The following CSMD2 variants were observed in gnomAD, a reference collection of about 807,000 sequenced individuals.
The protein encoded by CSMD2 is CUB and Sushi multiple domains 2.
Under a neutral mutation model 398.5 loss-of-function variants are expected in CSMD2, and 130 were observed. That is an observed-to-expected ratio of 0.33 (90% CI 0.28 to 0.38). The LOEUF (loss-of-function observed/expected upper bound fraction) is 0.38. CSMD2 is among the 10% of genes least tolerant of loss of function. CSMD2 has a pLI of 1.00. For missense variants in CSMD2, 3,829 were observed against 4,764.9 expected, an observed-to-expected ratio of 0.80 and a Z score of 5.78; for synonymous variants, 1,828 against 1,908.5, an observed-to-expected ratio of 0.96 and a Z score of 1.10.
chr1:33,854,002 A>G (rs554153981), intron 5 of CSMD2, among the ~76,000 whole-genome samples: 1 of 152,292 alleles, frequency 6.6e-6, no homozygotes, highest in South Asian at 2.1e-4. Context: ...AAAACGGTCA[A>G]TTATGATCTA....
At position 33,518,414 on chromosome 1, in the gene CSMD2, C is replaced by T. The variant is rs980396367; in HGVS notation, c.*53+1051G>A. On this transcript the variant is annotated intron_variant, in intron 70 of 70. Coordinates refer to ENST00000373381, the MANE Select transcript of CSMD2 (RefSeq NM_001281956.2). The surrounding 1 kb of genome is among the most constrained non-coding windows in gnomAD (Gnocchi z 4.3). ...ATGTGTGTGTGTGTGTGTGCATGAC[C>T]GTGTACACGTGTGGGTGTGTCTGCC... 2.0e-5 allele frequency among the ~76,000 whole-genome samples: 3 copies of T among 151,746 alleles called. No homozygotes were observed. The highest frequency in any genetic ancestry group is 2.9e-5 in the Non-Finnish European group (2 of 67,968).
chr1:34,090,817 A>G (rs1658476822), intron 1 of CSMD2, among the ~76,000 whole-genome samples: 1 of 152,150 alleles, frequency 6.6e-6, no homozygotes, highest in African/African-American at 2.4e-5. Flanking sequence ...CAAACATTCA[A>G]TGGCTCCTCC....
intron 10 of CSMD2, among the ~76,000 whole-genome samples, chr1:33,795,361 G>T (rs1654830521): frequency 6.6e-6 from 1 of 152,126 alleles, no homozygotes; most frequent in South Asian, 2.1e-4. Flanking sequence ...TCCTCAGGCT[G>T]GGATCTCCCA....
In CSMD2 at chr1:34,150,990, C is replaced by T. The variant is rs145564441; in HGVS notation, c.187+13921G>A. ...GACTATGATGCTGATAAAGGGGGGG[C>T]GGGGGATGCAAACTTGACATCTCCC... is the stretch of plus-strand genomic sequence containing the variant. On this transcript the variant is annotated intron_variant, in intron 1 of 70. Coordinates refer to ENST00000373381, the MANE Select transcript of CSMD2 (RefSeq NM_001281956.2). 9.7e-3 allele frequency among the ~76,000 whole-genome samples: 1,472 copies of T among 152,122 alleles called. 18 individuals are homozygous for T. Among genetic ancestry groups the T allele is most frequent in the African/African-American group, 0.033 (1,387 of 41,496 alleles).
chr1:34,160,335 T>C (rs1443467198), intron 1 of CSMD2, among the ~76,000 whole-genome samples: 1 of 152,224 alleles, frequency 6.6e-6, no homozygotes, highest in Admixed American at 6.5e-5. Context: ...TTCAAATTCA[T>C]ACACACACTG....
Position 33,516,404 on chromosome 1 carries a change from T to G in CSMD2, c.*220A>C, listed in dbSNP as rs377410878. ...TCCTCTGTCTGCAGCCCCTCTTCCT[T>G]TTCTGCCTTTTCAGGACACGGCAGG... On this transcript the variant is annotated 3_prime_UTR_variant, in exon 71 of 71. Transcript: ENST00000373381. 1 of 152,370 alleles carries G rather than the reference T, an allele frequency of 6.6e-6. No individual in the cohort carries two copies. The highest frequency in any genetic ancestry group is 2.4e-5 in the African/African-American group (1 of 41,574). 9.4% of individuals were successfully genotyped at this position (152,370 alleles called of 1,614,324 possible).
In CSMD2 at chr1:33,897,182, A is replaced by C. The variant is rs544827154; in HGVS notation, c.920+20912T>G. On this transcript the variant is annotated intron_variant, in intron 5 of 70. Coordinates refer to ENST00000373381, the MANE Select transcript of CSMD2 (RefSeq NM_001281956.2). The stretch of plus-strand genomic sequence containing the variant: ...GACAGGCAGACAGGTGAGGAACACC[A>C]CATGAAGTAGGGTTTATGTGGATTC... Among the ~76,000 whole-genome samples the C allele has an allele frequency of 3.3e-5, 5 of 152,302 alleles. No individual in the cohort carries two copies. The East Asian group carries it at 9.7e-4, about 29-fold the overall frequency.
At chr1:33,932,945 A>G (rs1644359336) in intron 4 of CSMD2, among the ~76,000 whole-genome samples, 1 of 152,168 alleles carries the variant, frequency 6.6e-6, no homozygotes, top group Non-Finnish European at 1.5e-5. Flanking sequence ...GAGGCTGGAG[A>G]AAGAAGAGAG....
At chr1:34,151,686 T>C (rs976746933) in intron 1 of CSMD2, among the ~76,000 whole-genome samples, 2 of 152,100 alleles carry the variant, frequency 1.3e-5, no homozygotes, top group African/African-American at 4.8e-5. Flanking sequence ...AGGTAGAAGA[T>C]AGCAGGTCTC....
chr1:34,051,140 AT>A (rs1475115270), intron 2 of CSMD2, among the ~76,000 whole-genome samples: 1 of 152,240 alleles, frequency 6.6e-6, no homozygotes, highest in Non-Finnish European at 1.5e-5. Flanking sequence ...AATAAAGAAG[AT>A]CCCTTAGGTT....
At chr1:33,845,484 G>A (rs1476855208) in intron 6 of CSMD2, among the ~76,000 whole-genome samples, 1 of 152,120 alleles carries the variant, frequency 6.6e-6, no homozygotes, top group Non-Finnish European at 1.5e-5. Context: ...TGACAAATGG[G>A]CCCTCAGTAA....
chr1:34,037,952 T>G (rs1175221968), intron 2 of CSMD2, among the ~76,000 whole-genome samples: 1 of 152,240 alleles, frequency 6.6e-6, no homozygotes, highest in Non-Finnish European at 1.5e-5. Flanking sequence ...TGCAGCTTGC[T>G]AGGCATTTTC....
At chr1:34,044,032 C>T (rs1055623521) in intron 2 of CSMD2, among the ~76,000 whole-genome samples, 2 of 152,188 alleles carry the variant, frequency 1.3e-5, no homozygotes, top group Admixed American at 6.5e-5. Flanking sequence ...CCCCAGGATG[C>T]ACCTTTTCCC....
At chr1:33,952,904 T>C (rs1645052794) in intron 3 of CSMD2, among the ~76,000 whole-genome samples, 1 of 152,228 alleles carries the variant, frequency 6.6e-6, no homozygotes, top group Non-Finnish European at 1.5e-5. Context: ...TTCTGTGAGA[T>C]TGTCAGCCAT....
At chr1:34,034,822 A>G (rs749546360) in intron 2 of CSMD2, among the ~76,000 whole-genome samples, 93 of 152,242 alleles carry the variant, frequency 6.1e-4, no homozygotes, top group Non-Finnish European at 1.9e-4. Context: ...AAAGATAATG[A>G]GAAAAGTGCA....
chr1:33,929,536 C>G (rs1331856431), intron 4 of CSMD2, among the ~76,000 whole-genome samples: 1 of 149,630 alleles, frequency 6.7e-6, no homozygotes, highest in African/African-American at 2.5e-5. Context: ...CTCCCGGATT[C>G]AAGAGATTCT....
chr1:33,753,944 G>A (rs1270488871), intron 13 of CSMD2, among the ~76,000 whole-genome samples: 2 of 152,184 alleles, frequency 1.3e-5, no homozygotes, highest in Admixed American at 6.5e-5. Context: ...TTGTATCTGG[G>A]AAGTAAATAA....
chr1:33,722,556 G>A (rs958953839), intron 19 of CSMD2, among the ~76,000 whole-genome samples: 6 of 152,090 alleles, frequency 3.9e-5, no homozygotes, highest in Non-Finnish European at 8.8e-5. Context: ...TATTTCCTCT[G>A]TTACAAAGTG....
intron 44 of CSMD2, among the ~76,000 whole-genome samples, chr1:33,593,807 CAT>C (rs1336438689): frequency 6.6e-6 from 1 of 152,144 alleles, no homozygotes; most frequent in East Asian, 1.9e-4. Flanking sequence ...TTTGTCCCTA[CAT>C]AGTTTCCTTT....
Sources: allele counts gnomAD v4.1 joint callset (sites outside exome capture counted in the v4.1 genomes callset), GRCh38; gene constraint gnomAD v4.1.1; non-coding constraint Gnocchi (gnomAD v3.1); transcripts MANE v1.5; gene names NCBI Gene and HGNC (gene_info 2026-07-23, HGNC 2026-07-21).